Variants in DLGAP1 observed in about 807,000 individuals in gnomAD.
DLGAP1 encodes the protein disks large-associated protein 1.
Under a neutral mutation model 90.8 loss-of-function variants are expected in DLGAP1, and 11 were observed. The ratio of observed to expected loss-of-function variants is 0.12; its 90% CI spans 0.08 to 0.20. DLGAP1 has a LOEUF of 0.20. DLGAP1 is among the 10% of genes least tolerant of loss of function. The pLI is 1.00. For missense variants in DLGAP1, 1,050 were observed against 1,333.8 expected (o/e 0.79, Z 3.31); for synonymous variants, 558 against 540.7 (o/e 1.03, Z -0.44).
rs547761305 is a variant in DLGAP1, at chr18:3,673,905, C to T, written c.1591+55230G>A. Among the ~76,000 whole-genome samples the T allele has an allele frequency of 7.1e-5, 10 of 141,180 alleles. No individual in the cohort carries two copies. In the East Asian group the frequency reaches 1.5e-3, roughly 22 times the overall value. 92.6% of individuals were successfully genotyped at this position (141,180 alleles called of 152,430 possible). A position where few individuals can be genotyped will look rare whatever the true frequency, so the allele number is the denominator to read the frequency against. On this transcript the variant is annotated intron_variant, in intron 7 of 12. Transcript: ENST00000315677. Reference sequence around the variant, plus strand: ...TTGCCCAGGCTGGAGTGCAGTGGTGCGATCTCAGCTCACTGCGACCTCCGC... The same window carrying T: ...TTGCCCAGGCTGGAGTGCAGTGGTGTGATCTCAGCTCACTGCGACCTCCGC...
At chr18:3,960,261 G>C (rs907704880) in intron 3 of DLGAP1, among the ~76,000 whole-genome samples, 1 of 152,274 alleles carries the variant, frequency 6.6e-6, no homozygotes, top group East Asian at 1.9e-4. Flanking sequence ...CCCACCTTAG[G>C]TGCCTTTTCC....
At chr18:4,106,838 T>C (rs1335924067) in intron 2 of DLGAP1, among the ~76,000 whole-genome samples, 1 of 152,198 alleles carries the variant, frequency 6.6e-6, no homozygotes, top group Non-Finnish European at 1.5e-5. Flanking sequence ...TCACCCAAAC[T>C]GTGGCAGGGA....
At chr18:3,977,093 A>G (rs2073597695) in intron 3 of DLGAP1, among the ~76,000 whole-genome samples, 2 of 152,126 alleles carry the variant, frequency 1.3e-5, no homozygotes, top group East Asian at 3.9e-4. Flanking sequence ...ATTCATTTTT[A>G]AGACAGAGTC....
At chr18:4,226,079 C>T (rs141910759) in intron 1 of DLGAP1, among the ~76,000 whole-genome samples, 13 of 152,140 alleles carry the variant, frequency 8.5e-5, no homozygotes, top group East Asian at 1.9e-4. Context: ...AATGAAACTC[C>T]GATGCACCTG....
intron 7 of DLGAP1, among the ~76,000 whole-genome samples, chr18:3,627,654 T>C (rs1244796322): frequency 6.6e-6 from 1 of 151,978 alleles, no homozygotes; most frequent in Non-Finnish European, 1.5e-5. Context: ...GGGCATTCCT[T>C]CTTTCTCTGC....
At chr18:4,255,182 T>C (rs913290096) in intron 1 of DLGAP1, among the ~76,000 whole-genome samples, 8 of 152,194 alleles carry the variant, frequency 5.3e-5, no homozygotes, top group African/African-American at 1.9e-4. Flanking sequence ...CAAGTTCATC[T>C]ATCCTTTAGA....
At chr18:4,200,629 A>G (rs2077590628) in intron 1 of DLGAP1, among the ~76,000 whole-genome samples, 1 of 151,848 alleles carries the variant, frequency 6.6e-6, no homozygotes, top group African/African-American at 2.4e-5. Flanking sequence ...TGAAAATATT[A>G]AAATTTTTTA....
chr18:3,834,439 T>C (rs1259449250), intron 4 of DLGAP1, among the ~76,000 whole-genome samples: 1 of 151,962 alleles, frequency 6.6e-6, no homozygotes, highest in Non-Finnish European at 1.5e-5. Context: ...CTTTAACATG[T>C]GATGTTAATA....
intron 1 of DLGAP1, among the ~76,000 whole-genome samples, chr18:4,165,532 C>A (rs1463147916): frequency 6.6e-6 from 1 of 151,958 alleles, no homozygotes; most frequent in Non-Finnish European, 1.5e-5. Context: ...AAAAGAAAAA[C>A]AGGAACAAGT....
At chr18:4,208,330 C>A (rs1244136698) in intron 1 of DLGAP1, among the ~76,000 whole-genome samples, 1 of 152,092 alleles carries the variant, frequency 6.6e-6, no homozygotes, top group East Asian at 1.9e-4. Flanking sequence ...AAATTTGATA[C>A]ACAATATACT....
intron 5 of DLGAP1, among the ~76,000 whole-genome samples, chr18:3,785,858 G>A (rs1169050137): frequency 6.6e-6 from 1 of 152,234 alleles, no homozygotes; most frequent in Non-Finnish European, 1.5e-5. Context: ...AGGGGAGCAG[G>A]TCAGAGAGAC....
At chr18:3,551,158 C>CATAT (rs1275015577) in intron 9 of DLGAP1, among the ~76,000 whole-genome samples, 18 of 7,842 alleles carry the variant, frequency 2.3e-3, no homozygotes, top group East Asian at 0.071. Flanking sequence ...ATATTATATA[C>CATAT]ATATATATAT....
intron 1 of DLGAP1, among the ~76,000 whole-genome samples, chr18:4,286,923 A>C (rs201853388): frequency 6.6e-6 from 1 of 152,172 alleles, no homozygotes; most frequent in East Asian, 1.9e-4. Context: ...AGTGAACCAC[A>C]TGGATATTTG....
intron 1 of DLGAP1, among the ~76,000 whole-genome samples, chr18:4,413,291 A>G (rs1367036146): frequency 6.6e-6 from 1 of 152,118 alleles, no homozygotes; most frequent in Non-Finnish European, 1.5e-5. Context: ...ACTCTTCCCC[A>G]TGAGTTTAAA....
At chr18:3,690,261 A>AT (rs771087899) in intron 7 of DLGAP1, among the ~76,000 whole-genome samples, 112 of 151,734 alleles carry the variant, frequency 7.4e-4, no homozygotes, top group African/African-American at 2.7e-3. Context: ...TAATTTTTGT[A>AT]TTTTTTGTAG....
At chr18:4,403,797 G>A (rs1462594425) in intron 1 of DLGAP1, among the ~76,000 whole-genome samples, 12 of 152,192 alleles carry the variant, frequency 7.9e-5, no homozygotes, top group Admixed American at 4.6e-4. Flanking sequence ...CCAGTTGAGT[G>A]TCCATGGGTT....
At chr18:3,602,079 T>G (rs1054162853) in intron 7 of DLGAP1, among the ~76,000 whole-genome samples, 3 of 152,054 alleles carry the variant, frequency 2.0e-5, no homozygotes, top group Non-Finnish European at 4.4e-5. Context: ...CACTACAGGG[T>G]GGCAGCTCCG....
intron 1 of DLGAP1, among the ~76,000 whole-genome samples, chr18:4,424,010 G>A (rs1035902452): frequency 5.9e-5 from 9 of 152,088 alleles, no homozygotes; most frequent in African/African-American, 2.2e-4. Context: ...AAATTAGCCA[G>A]GCGTGGTGGC....
At chr18:3,665,674 G>C (rs1437401557) in intron 7 of DLGAP1, among the ~76,000 whole-genome samples, 3 of 152,150 alleles carry the variant, frequency 2.0e-5, no homozygotes, top group Non-Finnish European at 4.4e-5. Context: ...CTTCCAAAGG[G>C]AGAAAAGAGG....
Sources: allele counts gnomAD v4.1 joint callset (sites outside exome capture counted in the v4.1 genomes callset), GRCh38; gene constraint gnomAD v4.1.1; transcripts MANE v1.5; gene names NCBI Gene and HGNC (gene_info 2026-07-23, HGNC 2026-07-21).